The following MTUS2 variants were observed in gnomAD, a reference collection of about 807,000 sequenced individuals.
MTUS2 encodes the protein microtubule associated scaffold protein 2.
MTUS2 carries 40 observed loss-of-function variants against 114.1 expected under a neutral mutation model. The observed-to-expected ratio is 0.35, with a 90% CI of 0.27 to 0.46. The LOEUF (loss-of-function observed/expected upper bound fraction) is 0.46, where lower values mean the gene tolerates loss of function less well. Among genes scored for constraint, MTUS2 ranks in the 20% least tolerant of loss-of-function variants. The pLI is 1.00. For missense variants in MTUS2, 1,679 were observed against 1,705.4 expected (o/e 0.98, Z 0.27); for synonymous variants, 688 against 672.0 (o/e 1.02, Z -0.37).
intron 10 of MTUS2, among the ~76,000 whole-genome samples, chr13:29,484,389 T>C (rs1881435315): frequency 6.6e-6 from 1 of 152,214 alleles, no homozygotes; most frequent in Admixed American, 6.5e-5. Context: ...CTGGGGGCCC[T>C]TGTCTCTCAG....
chr13:28,921,625 A>G (rs1489509785), intron 2 of MTUS2, among the ~76,000 whole-genome samples: 1 of 152,036 alleles, frequency 6.6e-6, no homozygotes, highest in African/African-American at 2.4e-5. Flanking sequence ...CTTGTGTCCT[A>G]GACTGCCTTT....
chr13:29,307,326 C>T (rs1346906770), intron 6 of MTUS2: 17 of 686,310 alleles, frequency 2.5e-5, no homozygotes, highest in Non-Finnish European at 2.7e-5. Context: ...CTGTCCCTGC[C>T]ACCCAGAAGA....
intron 15 of MTUS2, among the ~76,000 whole-genome samples, chr13:29,502,028 A>G (rs1317814132): frequency 1.3e-5 from 2 of 152,106 alleles, no homozygotes; most frequent in African/African-American, 4.8e-5. Context: ...TCACATACAT[A>G]CGCTCTTGCA....
chr13:29,001,193 A>G (rs1885369070), intron 2 of MTUS2, among the ~76,000 whole-genome samples: 2 of 152,190 alleles, frequency 1.3e-5, no homozygotes, highest in Admixed American at 1.3e-4. Flanking sequence ...AGTGAGCTGA[A>G]GAGCCACTGG....
chr13:29,164,218 C>T (rs968896061), intron 5 of MTUS2, among the ~76,000 whole-genome samples: 4 of 152,196 alleles, frequency 2.6e-5, no homozygotes, highest in African/African-American at 7.2e-5. Context: ...TCACCAGGAG[C>T]GGCCCTGTGC....
At chr13:29,134,951 C>T (rs535113536) in intron 5 of MTUS2, among the ~76,000 whole-genome samples, 16 of 152,268 alleles carry the variant, frequency 1.1e-4, no homozygotes, top group Non-Finnish European at 1.9e-4. Flanking sequence ...ATACAGTAGG[C>T]CCCTTTATCC....
At chr13:28,951,377 C>T (rs1202557551) in intron 2 of MTUS2, among the ~76,000 whole-genome samples, 8 of 152,138 alleles carry the variant, frequency 5.3e-5, no homozygotes, top group African/African-American at 1.7e-4. Flanking sequence ...TTTCTTTCAG[C>T]AACATTTTAT....
intron 2 of MTUS2, among the ~76,000 whole-genome samples, chr13:28,891,315 T>C (rs181601220): frequency 4.6e-4 from 70 of 152,292 alleles, no homozygotes; most frequent in Admixed American, 4.1e-3. Flanking sequence ...GGAAAACTGG[T>C]GCTTGTGGTT....
chr13:28,989,074 A>G (rs549799320), intron 2 of MTUS2, among the ~76,000 whole-genome samples: 1 of 152,322 alleles, frequency 6.6e-6, no homozygotes, highest in East Asian at 1.9e-4. Context: ...TCTTGTCAGC[A>G]GTTTCATTGG....
intron 2 of MTUS2, among the ~76,000 whole-genome samples, chr13:28,865,290 C>A (rs1238911581): frequency 6.6e-6 from 1 of 152,100 alleles, no homozygotes; most frequent in East Asian, 1.9e-4. Flanking sequence ...GTACAGAGGT[C>A]CATGATTTAA....
At chr13:29,080,266 A>G (rs1382780536) in intron 4 of MTUS2, among the ~76,000 whole-genome samples, 3 of 152,168 alleles carry the variant, frequency 2.0e-5, no homozygotes, top group Non-Finnish European at 2.9e-5. Flanking sequence ...GCCTTTTTAT[A>G]AAGTAGTTTG....
intron 8 of MTUS2, among the ~76,000 whole-genome samples, chr13:29,369,445 A>G (rs1871026340): frequency 6.6e-6 from 1 of 152,202 alleles, no homozygotes; most frequent in South Asian, 2.1e-4. Flanking sequence ...AGTGTCAACT[A>G]CAGTCCTGCC....
intron 8 of MTUS2, among the ~76,000 whole-genome samples, chr13:29,371,592 ATATTT>A (rs1871196276): frequency 6.6e-6 from 1 of 152,202 alleles, no homozygotes; most frequent in African/African-American, 2.4e-5. Flanking sequence ...TGATCAAATA[ATATTT>A]TATTATTTTA....
At chr13:29,028,992 G>A (rs1014361367) in intron 3 of MTUS2, among the ~76,000 whole-genome samples, 2 of 152,192 alleles carry the variant, frequency 1.3e-5, no homozygotes, top group Non-Finnish European at 2.9e-5. Context: ...CACAACAGAA[G>A]TTGTCATATC....
intron 2 of MTUS2, among the ~76,000 whole-genome samples, chr13:29,020,472 C>T (rs532148169): frequency 7.9e-5 from 12 of 152,184 alleles, no homozygotes; most frequent in Middle Eastern, 3.4e-3. Context: ...TTTACTTTGC[C>T]GCTGTCTTAT....
chr13:29,161,557 A>G (rs774350199), intron 5 of MTUS2, among the ~76,000 whole-genome samples: 22 of 152,208 alleles, frequency 1.4e-4, no homozygotes, highest in Non-Finnish European at 2.9e-4. Flanking sequence ...GATAAAATTA[A>G]TAACTTGCTC....
At chr13:29,242,450 G>GTA (rs1896765420) in intron 5 of MTUS2, 1 of 171,218 alleles carries the variant, frequency 5.8e-6, no homozygotes, top group African/African-American at 2.4e-5. Flanking sequence ...ATACTACCTT[G>GTA]TATCTATCCA....
chr13:28,947,496 C>T (rs922076182), intron 2 of MTUS2, among the ~76,000 whole-genome samples: 2 of 152,128 alleles, frequency 1.3e-5, no homozygotes, highest in African/African-American at 2.4e-5. Flanking sequence ...TTCATTTACA[C>T]GGGGTCTTCA....
At chr13:29,095,716 G>A (rs1051714142) in intron 4 of MTUS2, among the ~76,000 whole-genome samples, 1 of 29,762 alleles carries the variant, frequency 3.4e-5, no homozygotes, top group African/African-American at 1.0e-4. Context: ...CTATCTTCAA[G>A]TTCACTTTTT....
Sources: allele counts gnomAD v4.1 joint callset (sites outside exome capture counted in the v4.1 genomes callset), GRCh38; gene constraint gnomAD v4.1.1; transcripts MANE v1.5; gene names NCBI Gene and HGNC (gene_info 2026-07-23, HGNC 2026-07-21).